Variants in GABRG3 observed in about 807,000 individuals in gnomAD.
The protein encoded by GABRG3 is gamma-aminobutyric acid receptor subunit gamma-3.
A neutral mutation model predicts 48.8 loss-of-function variants in GABRG3; 25 were observed. The ratio of observed to expected loss-of-function variants is 0.51; its 90% CI spans 0.37 to 0.72. GABRG3 has a LOEUF of 0.72. GABRG3 is among the 30% of genes least tolerant of loss of function. The pLI, the probability that GABRG3 is intolerant of heterozygous loss-of-function variation, is 0.00. For synonymous variants in GABRG3, 227 were observed against 217.6 expected (o/e 1.04, Z -0.38); for missense variants, 394 against 577.9 (o/e 0.68, Z 3.26).
intron 3 of GABRG3, among the ~76,000 whole-genome samples, chr15:27,115,787 C>G (rs927932473): frequency 6.6e-5 from 10 of 152,160 alleles, no homozygotes; most frequent in Admixed American, 6.5e-4. Context: ...CAGAGTAAAA[C>G]TTTCAAAATT....
rs999306164 is a variant in GABRG3, at chr15:27,533,736, C to A, written c.*855C>A. On this transcript the variant is annotated 3_prime_UTR_variant, in exon 10 of 10. Transcript: ENST00000615808. ...AGCTTATGTTATATTATTATGGGTT[C>A]GGTAATTGTCATTTTGCAAAGAAAG... 6.6e-6 allele frequency: 1 copy of A among 152,110 alleles called. No individual in the cohort carries two copies. The highest frequency in any genetic ancestry group is 1.5e-5 in the Non-Finnish European group (1 of 68,028). The allele number at this position is 152,110 out of a possible 1,614,324, so 9.4% of individuals were successfully genotyped here. A position where few individuals can be genotyped will look rare whatever the true frequency, so the allele number is the denominator to read the frequency against.
At chr15:27,485,737 C>A (rs1890205565) in intron 6 of GABRG3, among the ~76,000 whole-genome samples, 1 of 152,118 alleles carries the variant, frequency 6.6e-6, no homozygotes, top group South Asian at 2.1e-4. Context: ...AGGTATCTGA[C>A]TTTTTACCAG....
intron 4 of GABRG3, among the ~76,000 whole-genome samples, chr15:27,328,181 G>A (rs527292695): frequency 4.8e-4 from 73 of 151,046 alleles, no homozygotes; most frequent in African/African-American, 1.7e-3. Flanking sequence ...AAAACATTGC[G>A]AGCTGGAGTT....
chr15:27,188,799 G>T (rs1888190984), intron 3 of GABRG3, among the ~76,000 whole-genome samples: 1 of 152,122 alleles, frequency 6.6e-6, no homozygotes, highest in African/African-American at 2.4e-5. Flanking sequence ...TGAAGTCCTT[G>T]CCCATGCCTA....
intron 5 of GABRG3, among the ~76,000 whole-genome samples, chr15:27,396,841 T>A (rs4778159): frequency 0.38 from 57,012 of 151,928 alleles, 11,889 homozygotes; most frequent in East Asian, 0.69. Flanking sequence ...AATCTAAAAA[T>A]GAAGGAAGAC....
At chr15:27,251,527 C>T (rs1890455176) in intron 3 of GABRG3, among the ~76,000 whole-genome samples, 1 of 152,108 alleles carries the variant, frequency 6.6e-6, no homozygotes, top group Non-Finnish European at 1.5e-5. Flanking sequence ...AAAGTGTATT[C>T]TTCATACATA....
intron 3 of GABRG3, among the ~76,000 whole-genome samples, chr15:27,268,537 T>C (rs1173995181): frequency 3.3e-5 from 5 of 152,130 alleles, no homozygotes; most frequent in African/African-American, 9.7e-5. Flanking sequence ...GATTTTTATA[T>C]TTCCTTTCTT....
chr15:27,159,518 A>G (rs1031933846), intron 3 of GABRG3, among the ~76,000 whole-genome samples: 3 of 151,536 alleles, frequency 2.0e-5, no homozygotes, highest in African/African-American at 7.3e-5. Context: ...ATCCTGCCTG[A>G]ACCTGGGTTC....
intron 2 of GABRG3, among the ~76,000 whole-genome samples, chr15:26,991,259 T>G (rs1468747740): frequency 1.3e-5 from 2 of 152,202 alleles, no homozygotes; most frequent in Non-Finnish European, 2.9e-5. Flanking sequence ...AGGTCCTCTA[T>G]TCTGTTCCAT....
At chr15:27,297,795 T>A (rs1346716612) in intron 3 of GABRG3, among the ~76,000 whole-genome samples, 6 of 152,156 alleles carry the variant, frequency 3.9e-5, no homozygotes, top group Non-Finnish European at 7.4e-5. Flanking sequence ...GTGTTGAGTT[T>A]GTAACATATG....
At chr15:27,085,040 G>A (rs1390520233) in intron 3 of GABRG3, among the ~76,000 whole-genome samples, 1 of 152,212 alleles carries the variant, frequency 6.6e-6, no homozygotes, top group African/African-American at 2.4e-5. Flanking sequence ...TATTCGTCAA[G>A]AAGCACTTCA....
intron 7 of GABRG3, among the ~76,000 whole-genome samples, chr15:27,526,900 CAT>C (rs1324710241): frequency 6.6e-6 from 1 of 152,138 alleles, no homozygotes; most frequent in Non-Finnish European, 1.5e-5. Flanking sequence ...TATGTAAAGA[CAT>C]ATGCGATTCC....
At chr15:27,254,854 T>C (rs1890562794) in intron 3 of GABRG3, among the ~76,000 whole-genome samples, 1 of 149,456 alleles carries the variant, frequency 6.7e-6, no homozygotes, top group African/African-American at 2.5e-5. Context: ...GGGAGACAAA[T>C]AGTTAGAGCT....
At chr15:27,449,557 T>G (rs1314709070) in intron 5 of GABRG3, among the ~76,000 whole-genome samples, 1 of 152,242 alleles carries the variant, frequency 6.6e-6, no homozygotes, top group African/African-American at 2.4e-5. Flanking sequence ...TTTCATTATT[T>G]TGAGATTCCT....
chr15:27,480,599 T>A, intron 5 of GABRG3, 51 bp from the exon 6 acceptor site: 4 of 1,463,294 alleles, frequency 2.7e-6, no homozygotes, highest in Non-Finnish European at 3.7e-6. Context: ...TTCACTTTAA[T>A]GATTTATAAA....
intron 3 of GABRG3, among the ~76,000 whole-genome samples, chr15:27,275,000 C>A (rs540301401): frequency 6.6e-6 from 1 of 152,232 alleles, no homozygotes; most frequent in South Asian, 2.1e-4. Context: ...CCGAGAGTTT[C>A]TAAACTGAAG....
At chr15:27,098,590 G>T (rs1424615826) in intron 3 of GABRG3, among the ~76,000 whole-genome samples, 1 of 152,096 alleles carries the variant, frequency 6.6e-6, no homozygotes, top group African/African-American at 2.4e-5. Flanking sequence ...TTTGACAGTT[G>T]TCATCAAGAT....
In GABRG3 at chr15:27,479,874, G is replaced by A. The variant is rs189447761; in HGVS notation, c.575-776G>A. 1.1e-4 allele frequency among the ~76,000 whole-genome samples: 17 copies of A among 152,342 alleles called. 1 individual carries two copies. The highest frequency in any genetic ancestry group is 3.8e-4 in the African/African-American group (16 of 41,586). ...CCAGGTCAAAGAGCTCCAGCAGAGA[G>A]GGGATGGTGTTGTTCCAAGCATGGT... is the stretch of plus-strand genomic sequence containing the variant. On this transcript the variant is annotated intron_variant, in intron 5 of 9. Transcript: ENST00000615808.
intron 3 of GABRG3, among the ~76,000 whole-genome samples, chr15:27,300,049 G>C (rs973809983): frequency 6.6e-6 from 1 of 152,138 alleles, no homozygotes; most frequent in African/African-American, 2.4e-5. Context: ...GAAACATGTG[G>C]AATAAATCTG....
Sources: gnomAD v4.1 joint callset for allele counts (sites outside exome capture counted in the v4.1 genomes callset) on GRCh38, gnomAD v4.1.1 for gene constraint, MANE v1.5 for transcripts, NCBI Gene and HGNC (gene_info 2026-07-23, HGNC 2026-07-21) for gene names.